Variants in CACNA1C observed in about 807,000 individuals in gnomAD.
The protein encoded by CACNA1C is voltage-dependent L-type calcium channel subunit alpha-1C.
Under a neutral mutation model 229.0 loss-of-function variants are expected in CACNA1C, and 30 were observed. That is an observed-to-expected ratio of 0.13 (90% CI 0.10 to 0.18). CACNA1C has a LOEUF of 0.18. Among genes scored for constraint, CACNA1C ranks in the 10% least tolerant of loss-of-function variants. The pLI is 1.00. For synonymous variants in CACNA1C, 1,114 were observed against 1,132.5 expected, an observed-to-expected ratio of 0.98 and a Z score of 0.33; for missense variants, 1,658 against 2,845.0, an observed-to-expected ratio of 0.58 and a Z score of 9.49.
chr12:2,410,448 T>G lies in CACNA1C; in HGVS notation c.478-38528T>G, dbSNP rs2098793856. 6.6e-6 allele frequency among the ~76,000 whole-genome samples: 1 copy of G among 152,214 alleles called. No individual in the cohort carries two copies. The highest frequency in any genetic ancestry group is 1.5e-5 in the Non-Finnish European group (1 of 68,022). ...GCAAGGAATTGGTGCATGATATAGT[T>G]TTCGTTTTCAAAGGACCATGATTTC... On this transcript the variant is annotated intron_variant, in intron 3 of 46. Coordinates refer to ENST00000399655, the MANE Select transcript of CACNA1C (RefSeq NM_000719.7). This position sits in a 1 kb window ranked among gnomAD's most constrained non-coding sequence, Gnocchi z 5.3.
In CACNA1C at chr12:2,605,827, C is replaced by A; in HGVS notation, c.3156+41C>A. On this transcript the variant is annotated intron_variant, in intron 24 of 46. Coordinates refer to ENST00000399655, the MANE Select transcript of CACNA1C (RefSeq NM_000719.7). This position sits in a 1 kb window ranked among gnomAD's most constrained non-coding sequence, Gnocchi z 6.2. ...CGTTGTGGTCCTCCTACCTCCCCTCCCATCAGCATTCCTGGGGAAGGGAAC... is the reference window on the plus strand; with the variant it reads ...CGTTGTGGTCCTCCTACCTCCCCTCACATCAGCATTCCTGGGGAAGGGAAC... 7.7e-7 allele frequency: 1 copy of A among 1,293,828 alleles called. No homozygotes were observed. The highest frequency in any genetic ancestry group is 1.1e-6 in the Non-Finnish European group (1 of 887,786). The allele number at this position is 1,293,828 out of a possible 1,614,324, so 80.1% of individuals were successfully genotyped here.
Position 2,677,901 on chromosome 12 carries a change from T to A in CACNA1C, c.5091+34T>A. ...TGCCATGGCGCACTCTCGACCCCTA[T>A]AAAGTTCAGTTTGGAGCAAGAGGTT... On this transcript the variant is annotated intron_variant, in intron 41 of 46. Transcript: ENST00000399655. The surrounding 1 kb of genome is among the most constrained non-coding windows in gnomAD (Gnocchi z 7.4). The A allele has an allele frequency of 1.2e-6, 2 of 1,610,780 alleles. No individual in the cohort carries two copies. The highest frequency in any genetic ancestry group is 1.7e-6 in the Non-Finnish European group (2 of 1,177,566).
chr12:2,071,010 T>C (rs12232008), intron 1 of CACNA1C, among the ~76,000 whole-genome samples: 51,710 of 124,212 alleles, frequency 0.42, 10,770 homozygotes, highest in East Asian at 0.72. Context: ...TTCCTTCTCT[T>C]TCTCCTTCCT....
At chr12:2,018,926 T>C (rs540513578) in intron 1 of CACNA1C, among the ~76,000 whole-genome samples, 5 of 152,138 alleles carry the variant, frequency 3.3e-5, no homozygotes, top group African/African-American at 1.2e-4. Flanking sequence ...AAAGAAGTGG[T>C]CCCAAGGTTT....
At chr12:2,113,012 G>GCTAGACCCAATTCACATTAGCTTTAA (rs2082357877) in intron 1 of CACNA1C, among the ~76,000 whole-genome samples, 3 of 152,200 alleles carry the variant, frequency 2.0e-5, no homozygotes, top group Non-Finnish European at 4.4e-5. Flanking sequence ...ATTAGCTTTA[G>GCTAGACCCAATTCACATTAGCTTTAA]CTAAGTCACT....
intron 1 of CACNA1C, among the ~76,000 whole-genome samples, chr12:2,024,402 ATTTC>A (rs2046967268): frequency 6.6e-6 from 1 of 152,110 alleles, no homozygotes; most frequent in Non-Finnish European, 1.5e-5. Context: ...GTAGACATTT[ATTTC>A]TCTCTCAAGC....
At chr12:1,997,753 G>A (rs534052865) in intron 1 of CACNA1C, among the ~76,000 whole-genome samples, 9 of 152,240 alleles carry the variant, frequency 5.9e-5, no homozygotes, top group African/African-American at 1.2e-4. Context: ...TATTCATCAC[G>A]ATATACCAGG....
chr12:2,030,049 CAG>C (rs1381531435), intron 1 of CACNA1C, among the ~76,000 whole-genome samples: 1 of 152,214 alleles, frequency 6.6e-6, no homozygotes, highest in East Asian at 1.9e-4. Flanking sequence ...TCAAGCCTGA[CAG>C]GGGAACCACA....
chr12:2,504,290 TG>T lies in CACNA1C; in HGVS notation c.1114-549del. On this transcript the variant is annotated intron_variant, in intron 7 of 46. Transcript: ENST00000399655. The surrounding 1 kb of genome is among the most constrained non-coding windows in gnomAD (Gnocchi z 6.8). The stretch of plus-strand genomic sequence containing the variant: ...GTTCCTTTGAACATGGGCGATGCCC[TG>T]GGTAACACGGGTAACCTGGTGCACA... 1 of 600,428 alleles carries T rather than the reference TG, an allele frequency of 1.7e-6. No individual in the cohort carries two copies. Among genetic ancestry groups the T allele is most frequent in the Middle Eastern group, 2.9e-4 (1 of 3,410 alleles). 37.2% of individuals were successfully genotyped at this position (600,428 alleles called of 1,614,324 possible).
At chr12:2,448,055 T>C (rs1473976198) in intron 3 of CACNA1C, among the ~76,000 whole-genome samples, 1 of 152,254 alleles carries the variant, frequency 6.6e-6, no homozygotes, top group East Asian at 1.9e-4. Flanking sequence ...ATTAAGGCTC[T>C]GCACTTGGGA....
At chr12:2,014,786 GC>G (rs1197214983) in intron 1 of CACNA1C, among the ~76,000 whole-genome samples, 1 of 152,148 alleles carries the variant, frequency 6.6e-6, no homozygotes, top group East Asian at 1.9e-4. Context: ...TTTCTGGTTG[GC>G]TTGAGCTTTA....
At chr12:2,207,227 G>A (rs1489578714) in intron 3 of CACNA1C, among the ~76,000 whole-genome samples, 7 of 152,180 alleles carry the variant, frequency 4.6e-5, no homozygotes, top group Admixed American at 4.6e-4. Flanking sequence ...TGACACACCT[G>A]GACTCTTCCC....
In CACNA1C at chr12:1,971,034, A is replaced by G; in HGVS notation, c.-29A>G. 4 of 1,262,668 alleles carry G rather than the reference A, an allele frequency of 3.2e-6. No individual in the cohort carries two copies. Among genetic ancestry groups the G allele is most frequent in the Non-Finnish European group, 4.1e-6 (4 of 971,844 alleles). 78.2% of individuals were successfully genotyped at this position (1,262,668 alleles called of 1,614,324 possible). A position where few individuals can be genotyped will look rare whatever the true frequency, so the allele number is the denominator to read the frequency against. The stretch of plus-strand genomic sequence containing the variant: ...GATAATTATTTAGCTTTAAAAATCA[A>G]CCAATTAATATACATCTGGAAATTC... On this transcript the variant is annotated 5_prime_UTR_variant, in exon 1 of 47. Coordinates refer to the CACNA1C transcript ENST00000682462. The surrounding 1 kb of genome is among the most constrained non-coding windows in gnomAD (Gnocchi z 4.2).
intron 29 of CACNA1C, among the ~76,000 whole-genome samples, chr12:2,626,340 T>A (rs2086525260): frequency 6.6e-6 from 1 of 152,072 alleles, no homozygotes; most frequent in African/African-American, 2.4e-5. Flanking sequence ...GACCTCTCTG[T>A]TTGGGGTTTG....
intron 43 of CACNA1C, among the ~76,000 whole-genome samples, chr12:2,683,612 G>A (rs991495652): frequency 9.2e-5 from 14 of 152,224 alleles, no homozygotes; most frequent in Non-Finnish European, 1.0e-4. Context: ...ATGGGCTTGC[G>A]TGCAGCCACT....
intron 10 of CACNA1C, among the ~76,000 whole-genome samples, chr12:2,556,061 T>C (rs538655787): frequency 6.6e-6 from 1 of 152,238 alleles, no homozygotes; most frequent in South Asian, 2.1e-4. Context: ...TTCATGCCCT[T>C]CTCCTAGCAC....
At chr12:2,404,872 T>C (rs977342989) in intron 3 of CACNA1C, among the ~76,000 whole-genome samples, 6 of 152,188 alleles carry the variant, frequency 3.9e-5, no homozygotes, top group African/African-American at 1.4e-4. Context: ...GAAGAGTAGC[T>C]TTGGGATTAT....
intron 3 of CACNA1C, among the ~76,000 whole-genome samples, chr12:2,444,875 TG>T: frequency 6.6e-6 from 1 of 152,308 alleles, no homozygotes; most frequent in South Asian, 2.1e-4. Context: ...GATCTCTGCA[TG>T]GGTCACTCCC....
intron 3 of CACNA1C, among the ~76,000 whole-genome samples, chr12:2,370,298 C>T (rs1019078789): frequency 1.3e-5 from 2 of 152,154 alleles, no homozygotes; most frequent in African/African-American, 4.8e-5. Context: ...TTTAGCAATG[C>T]ATATCAAGGT....
Sources: allele counts gnomAD v4.1 joint callset (sites outside exome capture counted in the v4.1 genomes callset), GRCh38; gene constraint gnomAD v4.1.1; non-coding constraint Gnocchi (gnomAD v3.1); transcripts MANE v1.5; gene names NCBI Gene and HGNC (gene_info 2026-07-23, HGNC 2026-07-21).